The following LDLRAD3 variants were observed in gnomAD, a reference collection of about 807,000 sequenced individuals.
LDLRAD3 encodes low density lipoprotein receptor class A domain containing 3.
A neutral mutation model predicts 29.4 loss-of-function variants in LDLRAD3; 20 were observed. That is an observed-to-expected ratio of 0.68 (90% CI 0.48 to 0.99). The LOEUF (loss-of-function observed/expected upper bound fraction) is 0.99, where lower values mean the gene tolerates loss of function less well. Ranked by LOEUF, LDLRAD3 falls within the 50% of genes least tolerant of loss-of-function variation. The pLI is 0.00. For synonymous variants in LDLRAD3, 157 were observed against 192.7 expected (o/e 0.81, Z 1.53); for missense variants, 420 against 454.3 (o/e 0.92, Z 0.69).
chr11:36,143,666 C>T (rs1008140675), intron 4 of LDLRAD3, among the ~76,000 whole-genome samples: 4 of 152,232 alleles, frequency 2.6e-5, no homozygotes, highest in East Asian at 3.9e-4. Context: ...GCTTAAATAA[C>T]GGAAATGCAT....
chr11:36,076,246 A>G (rs1035233025), intron 2 of LDLRAD3, among the ~76,000 whole-genome samples: 2 of 151,684 alleles, frequency 1.3e-5, no homozygotes, highest in South Asian at 2.1e-4. Context: ...CCATCCATCC[A>G]TCCATCCATC....
At chr11:36,194,296 G>A (rs1409533585) in intron 4 of LDLRAD3, among the ~76,000 whole-genome samples, 2 of 152,100 alleles carry the variant, frequency 1.3e-5, no homozygotes, top group Non-Finnish European at 2.9e-5. Flanking sequence ...GGATTAGTAG[G>A]GCAGGCGTCT....
At chr11:36,140,054 C>T (rs6484820) in intron 4 of LDLRAD3, among the ~76,000 whole-genome samples, 72,638 of 152,028 alleles carry the variant, frequency 0.48, 18,496 homozygotes, top group African/African-American at 0.66. Flanking sequence ...TAAATATTCC[C>T]TCTGGCAGCC....
chr11:35,995,853 T>C (rs1364940966), intron 1 of LDLRAD3, among the ~76,000 whole-genome samples: 1 of 152,232 alleles, frequency 6.6e-6, no homozygotes, highest in Non-Finnish European at 1.5e-5. Flanking sequence ...CTTTAAACTT[T>C]CCTTCTGCAG....
In LDLRAD3 at chr11:36,131,211, C is replaced by A. The variant is rs116153015; in HGVS notation, c.454+32750C>A. ...CAGCTCTCACCCCACCACCAGTAAT[C>A]TGTGCTTAAACGAGCTGTCTTGCCT... On this transcript the variant is annotated intron_variant, in intron 4 of 5. Coordinates refer to ENST00000315571, the MANE Select transcript of LDLRAD3 (RefSeq NM_174902.4). Among the ~76,000 whole-genome samples, 828 of 152,358 alleles carry A rather than the reference C, an allele frequency of 5.4e-3. 7 individuals are homozygous for A. The highest frequency in any genetic ancestry group is 0.019 in the African/African-American group (796 of 41,586).
Position 36,213,420 on chromosome 11 carries a change from G to A in LDLRAD3, c.455-13665G>A, listed in dbSNP as rs139401313. 1.5e-3 allele frequency among the ~76,000 whole-genome samples: 227 copies of A among 152,298 alleles called. No individual in the cohort carries two copies. Among genetic ancestry groups the A allele is most frequent in the Middle Eastern group, 3.4e-3 (1 of 294 alleles). On this transcript the variant is annotated intron_variant, in intron 4 of 5. Coordinates refer to ENST00000315571, the MANE Select transcript of LDLRAD3 (RefSeq NM_174902.4). The surrounding 1 kb of genome is among the most constrained non-coding windows in gnomAD (Gnocchi z 4.1). ...CCTTTAAATTAAACTTTTTCAATCC[G>A]CATCTAAATTGGGATGGGTGATGTG...
intron 4 of LDLRAD3, among the ~76,000 whole-genome samples, chr11:36,105,397 AG>A (rs1190194701): frequency 1.3e-5 from 2 of 152,032 alleles, no homozygotes; most frequent in Non-Finnish European, 2.9e-5. Flanking sequence ...GGGATATAGA[AG>A]TGGTCTTGGC....
At chr11:36,052,813 A>T (rs1852547745) in intron 2 of LDLRAD3, among the ~76,000 whole-genome samples, 1 of 152,216 alleles carries the variant, frequency 6.6e-6, no homozygotes, top group South Asian at 2.1e-4. Flanking sequence ...ATCTTTAAGT[A>T]CATGCAACTG....
chr11:36,194,733 A>T (rs1167971767), intron 4 of LDLRAD3, among the ~76,000 whole-genome samples: 2 of 152,226 alleles, frequency 1.3e-5, no homozygotes, highest in African/African-American at 4.8e-5. Flanking sequence ...TGAAAAAATA[A>T]GCAATGTTCA....
At chr11:36,076,260 C>T (rs1016900433) in intron 2 of LDLRAD3, among the ~76,000 whole-genome samples, 1 of 151,970 alleles carries the variant, frequency 6.6e-6, no homozygotes, top group East Asian at 1.9e-4. Flanking sequence ...ATCCATCCAT[C>T]CATCCTGTCT....
intron 1 of LDLRAD3, among the ~76,000 whole-genome samples, chr11:35,961,925 A>G (rs1851282769): frequency 6.6e-6 from 1 of 152,022 alleles, no homozygotes; most frequent in African/African-American, 2.4e-5. Flanking sequence ...AGTTATTTTA[A>G]AATGTACAAT....
intron 1 of LDLRAD3, among the ~76,000 whole-genome samples, chr11:35,995,233 C>T (rs191365482): frequency 1.3e-5 from 2 of 152,280 alleles, no homozygotes; most frequent in African/African-American, 4.8e-5. Context: ...CTCTTTGATC[C>T]CTGGGCTGCA....
At chr11:35,969,884 C>G (rs999644489) in intron 1 of LDLRAD3, among the ~76,000 whole-genome samples, 3 of 152,164 alleles carry the variant, frequency 2.0e-5, no homozygotes, top group African/African-American at 7.2e-5. Context: ...GACATGGTAC[C>G]AAGTCCTGCT....
chr11:36,047,631 G>T (rs760504555), intron 2 of LDLRAD3, among the ~76,000 whole-genome samples: 1 of 152,162 alleles, frequency 6.6e-6, no homozygotes, highest in Non-Finnish European at 1.5e-5. Flanking sequence ...TTTGGATGCT[G>T]TGCTTAGAGG....
chr11:36,002,496 G>A (rs1284631525), intron 1 of LDLRAD3, among the ~76,000 whole-genome samples: 3 of 152,152 alleles, frequency 2.0e-5, no homozygotes, highest in Non-Finnish European at 2.9e-5. Flanking sequence ...AGAGGAGCAC[G>A]TGCGATCATC....
At chr11:36,063,821 A>G (rs1852744792) in intron 2 of LDLRAD3, among the ~76,000 whole-genome samples, 1 of 152,186 alleles carries the variant, frequency 6.6e-6, no homozygotes, top group Admixed American at 6.5e-5. Flanking sequence ...AGCTTTGTGT[A>G]GTACATTTTT....
At chr11:36,135,458 T>G (rs746329618) in intron 4 of LDLRAD3, among the ~76,000 whole-genome samples, 37 of 152,204 alleles carry the variant, frequency 2.4e-4, no homozygotes, top group Non-Finnish European at 4.4e-4. Context: ...ATTCTGAGTC[T>G]TCTCATTATC....
At chr11:35,965,439 C>G (rs1378563632) in intron 1 of LDLRAD3, among the ~76,000 whole-genome samples, 1 of 152,136 alleles carries the variant, frequency 6.6e-6, no homozygotes, top group African/African-American at 2.4e-5. Flanking sequence ...CTATTCTGTT[C>G]AGAGGCTTGA....
rs768958173 is a variant in LDLRAD3, at chr11:35,958,905, G to A, written c.46+14761G>A. Among the ~76,000 whole-genome samples, 13 of 151,920 alleles carry A rather than the reference G, an allele frequency of 8.6e-5. 1 individual carries two copies. The highest frequency in any genetic ancestry group is 4.2e-4 in the South Asian group (2 of 4,802). On this transcript the variant is annotated intron_variant, in intron 1 of 5. Transcript: ENST00000315571. Reference sequence around the variant, plus strand: ...ACGTGTGCAGACGTGCGCTGCTCTCGTCTAGATTGCAGACCCTCCTGGAAA... The same window carrying A: ...ACGTGTGCAGACGTGCGCTGCTCTCATCTAGATTGCAGACCCTCCTGGAAA...
Sources: gnomAD v4.1 joint callset for allele counts (sites outside exome capture counted in the v4.1 genomes callset) on GRCh38, gnomAD v4.1.1 for gene constraint, Gnocchi (gnomAD v3.1) non-coding constraint, MANE v1.5 for transcripts, NCBI Gene and HGNC (gene_info 2026-07-23, HGNC 2026-07-21) for gene names.